TTC27: variants seen among roughly 807,000 people sequenced by gnomAD.
TTC27 encodes the protein tetratricopeptide repeat protein 27.
In TTC27, 79 loss-of-function variants were observed where a neutral mutation model predicts 115.9. The observed-to-expected ratio is 0.68, with a 90% CI of 0.57 to 0.82. The LOEUF (loss-of-function observed/expected upper bound fraction) is 0.82. Among genes scored for constraint, TTC27 ranks in the 40% least tolerant of loss-of-function variants. The pLI is 0.00. For missense variants in TTC27, 1,054 were observed against 993.1 expected (o/e 1.06, Z -0.82); for synonymous variants, 401 against 356.0 (o/e 1.13, Z -1.42).
At chr2:32,647,350 G>C (rs936544772) in intron 4 of TTC27, among the ~76,000 whole-genome samples, 2 of 152,152 alleles carry the variant, frequency 1.3e-5, no homozygotes, top group African/African-American at 4.8e-5. Context: ...ACTTATTGCT[G>C]ACAGCAGATA....
intron 10 of TTC27, 48 bp downstream of exon 10, chr2:32,702,968 CTA>C: frequency 7.8e-7 from 1 of 1,290,088 alleles, no homozygotes; most frequent in Non-Finnish European, 1.1e-6. Flanking sequence ...CTCTCTATTG[CTA>C]TCAGTAAGCA....
In TTC27 at chr2:32,810,097, A is replaced by C. The variant is rs529775743; in HGVS notation, c.1999-927A>C. Among the ~76,000 whole-genome samples, 5 of 142,944 alleles carry C rather than the reference A, an allele frequency of 3.5e-5. No homozygotes were observed. The South Asian group carries it at 1.2e-3, about 33-fold the overall frequency. 93.8% of individuals were successfully genotyped at this position (142,944 alleles called of 152,430 possible). ...ACCACTGCACTCCAGCCTGGGCAAC[A>C]GAGTAAGACTCTGTCTCAAAAAAAA... is the stretch of plus-strand genomic sequence containing the variant. On this transcript the variant is annotated intron_variant, in intron 16 of 19. Coordinates refer to ENST00000317907, the MANE Select transcript of TTC27 (RefSeq NM_017735.5).
rs115377530 is a variant in TTC27, at chr2:32,731,874, A to C, written c.1234-1954A>C. Among the ~76,000 whole-genome samples the C allele has an allele frequency of 4.4e-3, 673 of 152,358 alleles. 7 individuals are homozygous for C. Among genetic ancestry groups the C allele is most frequent in the African/African-American group, 0.015 (637 of 41,574 alleles). ...TCTGAAATACATAATAAATGTGTTT[A>C]TTAGTAAATGAGGAAATATTTACTG... On this transcript the variant is annotated intron_variant, in intron 10 of 19. Transcript: ENST00000317907.
chr2:32,801,381 C>T (rs957378347), intron 16 of TTC27, among the ~76,000 whole-genome samples: 8 of 152,192 alleles, frequency 5.3e-5, no homozygotes. Flanking sequence ...CTTCTTGTGG[C>T]TCCTGGCGTT....
intron 10 of TTC27, among the ~76,000 whole-genome samples, chr2:32,721,583 C>T (rs569556819): frequency 6.6e-5 from 10 of 151,852 alleles, no homozygotes; most frequent in Admixed American, 4.6e-4. Context: ...TAAGCTTCCT[C>T]ACCTTATCTG....
chr2:32,721,620 C>CTTTTTTTTTTTT (rs58839860), intron 10 of TTC27, among the ~76,000 whole-genome samples: 1 of 137,340 alleles, frequency 7.3e-6, no homozygotes. Flanking sequence ...CTCTCTCTCT[C>CTTTTTTTTTTTT]TTTTTTTTTT....
At chr2:32,777,327 C>T (rs574895963) in intron 13 of TTC27, among the ~76,000 whole-genome samples, 2 of 152,168 alleles carry the variant, frequency 1.3e-5, no homozygotes, top group African/African-American at 2.4e-5. Flanking sequence ...CAGGCGTCAC[C>T]GCCCCCAACC....
At chr2:32,740,891 G>A (rs1342921488) in intron 12 of TTC27, among the ~76,000 whole-genome samples, 3 of 152,120 alleles carry the variant, frequency 2.0e-5, no homozygotes, top group Non-Finnish European at 4.4e-5. Context: ...CTGACCTCAG[G>A]TGATCCGCCT....
At chr2:32,717,524 TGTTA>T (rs1667794123) in intron 10 of TTC27, among the ~76,000 whole-genome samples, 1 of 152,200 alleles carries the variant, frequency 6.6e-6, no homozygotes, top group Middle Eastern at 3.2e-3. Flanking sequence ...GCTTCTTTCC[TGTTA>T]GTTATTATCT....
intron 13 of TTC27, among the ~76,000 whole-genome samples, chr2:32,771,264 T>C (rs1429529662): frequency 6.6e-6 from 1 of 152,232 alleles, no homozygotes; most frequent in Non-Finnish European, 1.5e-5. Context: ...TCCTGGCCCA[T>C]AGTAAGTTCG....
intron 4 of TTC27, among the ~76,000 whole-genome samples, chr2:32,643,788 A>C (rs2151865407): frequency 6.6e-6 from 1 of 152,092 alleles, no homozygotes; most frequent in African/African-American, 2.4e-5. Flanking sequence ...TAATACCAGC[A>C]CTTTGGGAGG....
intron 9 of TTC27, among the ~76,000 whole-genome samples, chr2:32,695,764 C>T (rs1196075631): frequency 1.6e-5 from 2 of 127,826 alleles, no homozygotes; most frequent in African/African-American, 5.8e-5. Flanking sequence ...GGTGTGGTGG[C>T]GGGTGCCTGT....
At chr2:32,707,859 C>G (rs1667430595) in intron 10 of TTC27, among the ~76,000 whole-genome samples, 1 of 151,912 alleles carries the variant, frequency 6.6e-6, no homozygotes, top group South Asian at 2.1e-4. Context: ...GGTAGCAGAG[C>G]TCCTTGGATA....
chr2:32,775,355 G>A (rs1397873667), intron 13 of TTC27, among the ~76,000 whole-genome samples: 1 of 151,858 alleles, frequency 6.6e-6, no homozygotes, highest in Admixed American at 6.6e-5. Context: ...CCACCACCAC[G>A]CCCGGCTAAT....
intron 16 of TTC27, among the ~76,000 whole-genome samples, chr2:32,806,639 G>A (rs1290784268): frequency 1.3e-5 from 2 of 151,974 alleles, no homozygotes; most frequent in East Asian, 1.9e-4. Context: ...AAAATTAGCC[G>A]GGCATGGTGG....
intron 9 of TTC27, among the ~76,000 whole-genome samples, chr2:32,700,604 C>T (rs1667152227): frequency 1.3e-5 from 2 of 152,126 alleles, no homozygotes; most frequent in Non-Finnish European, 2.9e-5. Flanking sequence ...GTGGTGCAAT[C>T]TCGGCTCACT....
chr2:32,641,794 T>G (rs1664659874), intron 4 of TTC27, among the ~76,000 whole-genome samples: 1 of 152,224 alleles, frequency 6.6e-6, no homozygotes. Flanking sequence ...TTCTTCTGCC[T>G]CAGCCTCCCA....
chr2:32,708,437 G>T (rs1667460996), intron 10 of TTC27, among the ~76,000 whole-genome samples: 1 of 149,622 alleles, frequency 6.7e-6, no homozygotes, highest in South Asian at 2.1e-4. Context: ...TCAACCTTCT[G>T]AGTAGCTGGG....
intron 12 of TTC27, among the ~76,000 whole-genome samples, chr2:32,756,645 A>G (rs1669242759): frequency 6.6e-6 from 1 of 152,226 alleles, no homozygotes; most frequent in African/African-American, 2.4e-5. Flanking sequence ...GATATGCCCA[A>G]CCTAAAGAAA....
Sources: allele counts gnomAD v4.1 joint callset (sites outside exome capture counted in the v4.1 genomes callset), GRCh38; gene constraint gnomAD v4.1.1; transcripts MANE v1.5; gene names NCBI Gene and HGNC (gene_info 2026-07-23, HGNC 2026-07-21).